The following AGBL4 variants were observed in gnomAD, a reference collection of about 807,000 sequenced individuals.
The protein encoded by AGBL4 is cytosolic carboxypeptidase 6.
In AGBL4, 58 loss-of-function variants were observed where a neutral mutation model predicts 66.4. That is an observed-to-expected ratio of 0.87 (90% CI 0.71 to 1.09). The LOEUF (loss-of-function observed/expected upper bound fraction) is 1.09. AGBL4 is among the 50% of genes least tolerant of loss of function. The probability of loss-of-function intolerance (pLI) is 0.00; values close to 1 mark genes in which losing one functional copy is unlikely to be tolerated. For missense variants in AGBL4, 579 were observed against 631.0 expected, an observed-to-expected ratio of 0.92 and a Z score of 0.88; for synonymous variants, 234 against 222.9, an observed-to-expected ratio of 1.05 and a Z score of -0.44.
intron 9 of AGBL4, among the ~76,000 whole-genome samples, chr1:48,601,166 T>A (rs556439119): frequency 2.0e-5 from 3 of 152,008 alleles, no homozygotes; most frequent in Non-Finnish European, 4.4e-5. Context: ...GGTTTGGGGG[T>A]CTGGTAGACT....
intron 3 of AGBL4, among the ~76,000 whole-genome samples, chr1:49,611,842 C>T (rs1183655013): frequency 6.6e-6 from 1 of 152,090 alleles, no homozygotes; most frequent in African/African-American, 2.4e-5. Context: ...AGAATTTGAC[C>T]TTGTTATTGT....
At chr1:49,652,229 A>G (rs1221279377) in intron 3 of AGBL4, among the ~76,000 whole-genome samples, 1 of 152,234 alleles carries the variant, frequency 6.6e-6, no homozygotes, top group Non-Finnish European at 1.5e-5. Flanking sequence ...ATGTACAGGC[A>G]TTTCAGAGAC....
intron 6 of AGBL4, among the ~76,000 whole-genome samples, chr1:48,793,555 G>A (rs911555864): frequency 2.0e-5 from 3 of 152,242 alleles, no homozygotes; most frequent in Admixed American, 1.3e-4. Context: ...GGCAAGAAGG[G>A]GAAGGAGATG....
intron 3 of AGBL4, among the ~76,000 whole-genome samples, chr1:49,549,727 A>G (rs568141122): frequency 5.3e-5 from 8 of 152,144 alleles, no homozygotes; most frequent in Admixed American, 1.3e-4. Context: ...AGAAAGTTCC[A>G]TGCACTGTAG....
At chr1:49,302,826 C>A (rs1644779210) in intron 3 of AGBL4, among the ~76,000 whole-genome samples, 2 of 151,762 alleles carry the variant, frequency 1.3e-5, no homozygotes, top group East Asian at 3.9e-4. Flanking sequence ...CCCCCTGCCC[C>A]CTGACAGGCC....
chr1:49,072,127 C>T (rs1399057735), intron 4 of AGBL4, among the ~76,000 whole-genome samples: 1 of 152,112 alleles, frequency 6.6e-6, no homozygotes, highest in African/African-American at 2.4e-5. Context: ...TATTTTGAGC[C>T]TGTGTGTGTC....
chr1:49,257,435 A>T (rs907350904), intron 3 of AGBL4: 1 of 156,914 alleles, frequency 6.4e-6, no homozygotes, highest in African/African-American at 2.4e-5. Flanking sequence ...CTGCTGTGCT[A>T]GCAATCAGCG....
At chr1:49,449,728 A>C (rs1367396650) in intron 3 of AGBL4, among the ~76,000 whole-genome samples, 2 of 151,904 alleles carry the variant, frequency 1.3e-5, no homozygotes, top group African/African-American at 4.8e-5. Context: ...AATTTTTTTA[A>C]ATTTCTGGAT....
At chr1:48,818,017 A>G in intron 6 of AGBL4, 2 of 711,526 alleles carry the variant, frequency 2.8e-6, no homozygotes, top group Non-Finnish European at 5.2e-6. Flanking sequence ...CTTACCGGAA[A>G]CATTCCCGAG....
intron 6 of AGBL4, among the ~76,000 whole-genome samples, chr1:48,696,742 G>T (rs1646719547): frequency 6.6e-6 from 1 of 152,198 alleles, no homozygotes. Context: ...GAAAGTGAGA[G>T]AGTTGAGGAG....
At chr1:49,845,438 T>C in intron 2 of AGBL4, 4 of 1,467,742 alleles carry the variant, frequency 2.7e-6, no homozygotes, top group Non-Finnish European at 3.8e-6. Context: ...GGGAAAGCCT[T>C]CCAGCAAAGC....
Position 49,694,282 on chromosome 1 carries a change from A to T in AGBL4, c.282+3031T>A, listed in dbSNP as rs113426617. 1.7e-3 allele frequency among the ~76,000 whole-genome samples: 259 copies of T among 152,288 alleles called. 1 individual carries two copies. Among genetic ancestry groups the T allele is most frequent in the African/African-American group, 5.8e-3 (241 of 41,572 alleles). ...AAGAGATGCTATAAAAACAGACCTC[A>T]CAAGTCAAACTTCATAGTAAAACTA... On this transcript the variant is annotated intron_variant, in intron 3 of 13. Coordinates refer to ENST00000371839, the MANE Select transcript of AGBL4 (RefSeq NM_032785.4).
intron 2 of AGBL4, among the ~76,000 whole-genome samples, chr1:49,835,591 T>C (rs1016599685): frequency 6.6e-6 from 1 of 152,224 alleles, no homozygotes; most frequent in African/African-American, 2.4e-5. Context: ...AACATTGCTA[T>C]GTGTGAGGTT....
At chr1:48,715,569 GTATTTGCTGAGTGAA>G (rs1347314850) in intron 6 of AGBL4, among the ~76,000 whole-genome samples, 5 of 152,158 alleles carry the variant, frequency 3.3e-5, no homozygotes, top group Non-Finnish European at 7.3e-5. Flanking sequence ...CTTCAGGTGA[GTATTTGCTGAGTGAA>G]TAAACATTTG....
At position 49,824,601 on chromosome 1, in the gene AGBL4, A is replaced by C. The variant is rs888074554; in HGVS notation, c.157+26795T>G. On this transcript the variant is annotated intron_variant, in intron 2 of 13. Transcript: ENST00000371839. ...TAAACTGACCTTAGGGCTTCAGAGA[A>C]GGCTTCCTGGTTAGACAACTAAGTT... is the stretch of plus-strand genomic sequence containing the variant. Among the ~76,000 whole-genome samples, 3 of 152,240 alleles carry C rather than the reference A, an allele frequency of 2.0e-5. No individual in the cohort carries two copies. The East Asian group carries it at 5.8e-4, about 29-fold the overall frequency.
At chr1:49,647,881 T>G (rs1363414491) in intron 3 of AGBL4, among the ~76,000 whole-genome samples, 3 of 148,088 alleles carry the variant, frequency 2.0e-5, no homozygotes, top group African/African-American at 7.4e-5. Flanking sequence ...ACCTGAGGAC[T>G]AATTGTAGAA....
intron 3 of AGBL4, among the ~76,000 whole-genome samples, chr1:49,569,676 T>C (rs1644287782): frequency 6.6e-6 from 1 of 152,122 alleles, no homozygotes; most frequent in African/African-American, 2.4e-5. Context: ...TTTCAGGTTA[T>C]CCATAAACAA....
At chr1:48,724,303 AT>A (rs1357079960) in intron 6 of AGBL4, among the ~76,000 whole-genome samples, 7 of 152,198 alleles carry the variant, frequency 4.6e-5, no homozygotes, top group Non-Finnish European at 8.8e-5. Context: ...AACTTGCTTC[AT>A]TTGTTGGTAA....
intron 4 of AGBL4, among the ~76,000 whole-genome samples, chr1:49,157,622 G>C (rs932119195): frequency 1.3e-5 from 2 of 152,058 alleles, no homozygotes; most frequent in Non-Finnish European, 2.9e-5. Context: ...GGGTCAAATG[G>C]TTTTCTGGGC....
Sources: gnomAD v4.1 joint callset for allele counts (sites outside exome capture counted in the v4.1 genomes callset) on GRCh38, gnomAD v4.1.1 for gene constraint, MANE v1.5 for transcripts, NCBI Gene and HGNC (gene_info 2026-07-23, HGNC 2026-07-21) for gene names.